LYG2: variants seen among roughly 807,000 people sequenced by gnomAD.
LYG2 encodes lysozyme g-like protein 2.
In LYG2, 25 loss-of-function variants were observed where a neutral mutation model predicts 22.4. The ratio of observed to expected loss-of-function variants is 1.12; its 90% CI spans 0.81 to 1.56. The LOEUF is 1.56. Among genes scored for constraint, LYG2 ranks in the 40% most tolerant of loss-of-function variants. The probability of loss-of-function intolerance (pLI) is 0.00; values close to 1 mark genes in which losing one functional copy is unlikely to be tolerated. For synonymous variants in LYG2, 88 were observed against 97.0 expected, an observed-to-expected ratio of 0.91 and a Z score of 0.55; for missense variants, 266 against 269.5, an observed-to-expected ratio of 0.99 and a Z score of 0.09.
upstream of LYG2, among the ~76,000 whole-genome samples, chr2:99,256,359 A>G (rs1364303277): frequency 1.3e-5 from 2 of 152,054 alleles, no homozygotes; most frequent in Admixed American, 1.3e-4. Flanking sequence ...AAAGTGACCC[A>G]TGGAGGGTCT....
upstream of LYG2, among the ~76,000 whole-genome samples, chr2:99,258,399 T>C (rs1326797710): frequency 6.6e-6 from 1 of 152,252 alleles, no homozygotes; most frequent in Non-Finnish European, 1.5e-5. Flanking sequence ...TTCTTGTTGA[T>C]TTATTCATTT....
intron 3 of LYG2, among the ~76,000 whole-genome samples, chr2:99,247,803 A>G (rs1297242258): frequency 6.6e-6 from 1 of 151,966 alleles, no homozygotes; most frequent in African/African-American, 2.4e-5. Flanking sequence ...CAACCTACAA[A>G]ATGGGAGAAA....
chr2:99,257,902 C>G (rs1396447136), upstream of LYG2, among the ~76,000 whole-genome samples: 1 of 152,200 alleles, frequency 6.6e-6, no homozygotes, highest in Non-Finnish European at 1.5e-5. Context: ...AACTGAGGTA[C>G]TCTGTATAGC....
At chr2:99,242,869 T>G (rs1297325619) in intron 6 of LYG2, among the ~76,000 whole-genome samples, 1 of 152,232 alleles carries the variant, frequency 6.6e-6, no homozygotes, top group East Asian at 1.9e-4. Context: ...TTCAAGCACC[T>G]ACTATGTGCC....
chr2:99,257,535 A>G (rs571035925), upstream of LYG2, among the ~76,000 whole-genome samples: 37 of 152,352 alleles, frequency 2.4e-4, no homozygotes, highest in African/African-American at 8.9e-4. Context: ...AAGAATGACT[A>G]CATGTAAGTT....
At chr2:99,259,959 CT>C (rs56186823), upstream of LYG2, among the ~76,000 whole-genome samples, 46,273 of 114,682 alleles carry the variant, frequency 0.4, 7,962 homozygotes, top group Admixed American at 0.47. Context: ...CAAAAGTAAA[CT>C]TTTTTTTTTT....
intron 4 of LYG2, 45 bp from the exon 5 acceptor site, chr2:99,245,503 G>A: frequency 1.5e-6 from 2 of 1,325,594 alleles, no homozygotes; most frequent in Non-Finnish European, 2.1e-6. Context: ...ATGGTAGTGT[G>A]TGCCTGAAGT....
At chr2:99,254,394 T>C (rs745863580) in intron 2 of LYG2, 109 bp from the exon 3 acceptor site, 23 of 769,064 alleles carry the variant, frequency 3.0e-5, no homozygotes, top group Non-Finnish European at 4.9e-5. Context: ...AATTCACTAC[T>C]CATTTCCCTG....
upstream of LYG2, among the ~76,000 whole-genome samples, chr2:99,257,195 T>A (rs17022433): frequency 0.44 from 67,609 of 152,092 alleles, 15,322 homozygotes; most frequent in Admixed American, 0.58. Flanking sequence ...TACCACTATC[T>A]GTCAAATGTT....
chr2:99,256,171 C>T (rs527573206), upstream of LYG2, among the ~76,000 whole-genome samples: 2 of 152,268 alleles, frequency 1.3e-5, no homozygotes, highest in African/African-American at 2.4e-5. Flanking sequence ...CACCTCCACT[C>T]CCAGGAGAAC....
intron 6 of LYG2, among the ~76,000 whole-genome samples, chr2:99,242,697 T>G (rs912123284): frequency 6.6e-6 from 1 of 152,118 alleles, no homozygotes; most frequent in Non-Finnish European, 1.5e-5. Flanking sequence ...AAGTCTTTGG[T>G]TTTTCTTGTT....
chr2:99,255,621 T>C lies in LYG2; in HGVS notation c.-162A>G, dbSNP rs2094034728. On this transcript the variant is annotated 5_prime_UTR_variant, in exon 1 of 7. Transcript: ENST00000333017. ...TATTTACCTGAAATATTGGGTCTCC[T>C]GCTTTTTGTTCCCATTCCAATGTCA... is the stretch of plus-strand genomic sequence containing the variant. Among the ~76,000 whole-genome samples, 2 of 152,366 alleles carry C rather than the reference T, an allele frequency of 1.3e-5. No individual in the cohort carries two copies.
the LYG2 span, among the ~76,000 whole-genome samples, chr2:99,261,034 T>C: frequency 6.6e-6 from 1 of 152,166 alleles, no homozygotes; most frequent in Non-Finnish European, 1.5e-5. Flanking sequence ...GGTTTACATA[T>C]GGACTAGTTG....
chr2:99,245,453 G>A lies in LYG2; in HGVS notation c.190C>T (p.Arg64Cys), dbSNP rs146592960. 138 of 1,590,744 alleles carry A rather than the reference G, an allele frequency of 8.7e-5. No homozygotes were observed. The highest frequency in any genetic ancestry group is 1.1e-4 in the Non-Finnish European group (130 of 1,163,138). Reference sequence around the variant, plus strand: ...ATCTCAGCAAACATTTCAGAACCACGGATCCCTACGTCAATAGAAAAGAAA... The same window carrying A: ...ATCTCAGCAAACATTTCAGAACCACAGATCCCTACGTCAATAGAAAAGAAA... ...DANSVMNCGI[R>C]GSEMFAEMDL... Residue 64 changes from arginine (R) to cysteine (C), a missense_variant, in exon 5 of 7, where the codon CGT becomes TGT. By Grantham distance (180) the Arg-to-Cys change is radical. Coordinates refer to ENST00000333017, the MANE Select transcript of LYG2 (RefSeq NM_175735.4).
chr2:99,261,095 G>C, the LYG2 span, among the ~76,000 whole-genome samples: 1 of 152,168 alleles, frequency 6.6e-6, no homozygotes, highest in African/African-American at 2.4e-5. Context: ...GCTGGGGTCT[G>C]ACACGGCAAC....
At chr2:99,244,324 C>G (rs1378881230) in intron 5 of LYG2, among the ~76,000 whole-genome samples, 187 bp from the exon 6 acceptor site, 1 of 151,792 alleles carries the variant, frequency 6.6e-6, no homozygotes, top group Non-Finnish European at 1.5e-5. Context: ...GAGAAATGGA[C>G]ATGGTATAGT....
At position 99,250,607 on chromosome 2, in the gene LYG2, C is replaced by T. The variant is rs1415976678; in HGVS notation, c.43+3611G>A. On this transcript the variant is annotated intron_variant, in intron 3 of 6. Transcript: ENST00000333017. ...GCCAGGATGGTCTCGATCTGCTGACCTTGTGATCCGCCCACCTTGGCCTCC... is the reference window on the plus strand; with the variant it reads ...GCCAGGATGGTCTCGATCTGCTGACTTTGTGATCCGCCCACCTTGGCCTCC... 3.3e-5 allele frequency among the ~76,000 whole-genome samples: 5 copies of T among 152,186 alleles called. No homozygotes were observed. In the East Asian group the frequency reaches 7.7e-4, roughly 23 times the overall value.
At chr2:99,246,871 G>C in intron 3 of LYG2, 51 bp from the exon 4 acceptor site, 1 of 1,572,066 alleles carries the variant, frequency 6.4e-7, no homozygotes, top group East Asian at 2.2e-5. Flanking sequence ...GATATTACTT[G>C]GGTTGCTGCA....
chr2:99,242,332 T>C lies in LYG2; in HGVS notation c.*32A>G, dbSNP rs777450300. ...CTCTCAAAGGCGGCCATCTGAGCACTCTGCCAACCTGGCCCACCCACAGAG... is the reference window on the plus strand; with the variant it reads ...CTCTCAAAGGCGGCCATCTGAGCACCCTGCCAACCTGGCCCACCCACAGAG... On this transcript the variant is annotated 3_prime_UTR_variant, in exon 7 of 7. Transcript: ENST00000333017. The C allele has an allele frequency of 2.8e-6, 4 of 1,404,860 alleles. No individual in the cohort carries two copies. In the Admixed American group the frequency reaches 7.2e-5, roughly 25 times the overall value. The allele number at this position is 1,404,860 out of a possible 1,614,324, so 87.0% of individuals were successfully genotyped here. A position where few individuals can be genotyped will look rare whatever the true frequency, so the allele number is the denominator to read the frequency against.
Sources: gnomAD v4.1 joint callset for allele counts (sites outside exome capture counted in the v4.1 genomes callset) on GRCh38, gnomAD v4.1.1 for gene constraint, MANE v1.5 for transcripts, NCBI Gene and HGNC (gene_info 2026-07-23, HGNC 2026-07-21) for gene names.